The following PCDH11X variants were observed in gnomAD, a reference collection of about 807,000 sequenced individuals.
PCDH11X encodes protocadherin-11 X-linked.
PCDH11X carries 18 observed loss-of-function variants against 53.3 expected under a neutral mutation model. The observed-to-expected ratio is 0.34, with a 90% CI of 0.23 to 0.50. The LOEUF (loss-of-function observed/expected upper bound fraction) is 0.50, where lower values mean the gene tolerates loss of function less well. Ranked by LOEUF, PCDH11X falls within the 20% of genes least tolerant of loss-of-function variation. The pLI is 0.98. For synonymous variants in PCDH11X, 279 were observed against 393.3 expected, an observed-to-expected ratio of 0.71 and a Z score of 3.44; for missense variants, 570 against 1,032.4, an observed-to-expected ratio of 0.55 and a Z score of 6.14.
At chrX:92,239,420 C>A (rs1342624319) in intron 7 of PCDH11X, among the ~76,000 whole-genome samples, 3 of 111,487 alleles carry the variant, frequency 2.7e-5, no homozygotes, top group African/African-American at 6.5e-5. Context: ...AAATGGGAAT[C>A]ACACATGCTT....
intron 10 of PCDH11X, among the ~76,000 whole-genome samples, chrX:92,591,149 A>G (rs1478193939): frequency 9.0e-6 from 1 of 111,464 alleles, no homozygotes; most frequent in East Asian, 2.8e-4. Context: ...GGCATCTTGC[A>G]AAATTAAGAG....
chrX:92,057,986 C>A (rs2063474775), intron 6 of PCDH11X, among the ~76,000 whole-genome samples: 1 of 93,256 alleles, frequency 1.1e-5, no homozygotes, highest in Admixed American at 1.2e-4. Context: ...TTCTATGTTG[C>A]TCTTCTCACT....
chrX:92,288,161 G>A lies in PCDH11X; in HGVS notation c.3144+25018G>A, dbSNP rs753776965. Among the ~76,000 whole-genome samples, 6 of 111,089 alleles carry A rather than the reference G, an allele frequency of 5.4e-5. No homozygotes were observed. In the South Asian group the frequency reaches 2.3e-3, roughly 42 times the overall value. On this transcript the variant is annotated intron_variant, in intron 8 of 10. Coordinates refer to ENST00000682573, the MANE Select transcript of PCDH11X (RefSeq NM_032968.5). ...CACGATCCATGCTACTGCATTTAAT[G>A]TATCACTATGGAAATGCATTTTCTT...
chrX:92,576,007 T>C (rs1203282898), intron 10 of PCDH11X, among the ~76,000 whole-genome samples: 20 of 34,828 alleles, frequency 5.7e-4, no homozygotes, highest in Middle Eastern at 0.014. Context: ...TATATATATA[T>C]ATATACACAC....
chrX:92,180,603 C>A (rs1716375828), intron 6 of PCDH11X, among the ~76,000 whole-genome samples: 1 of 111,202 alleles, frequency 9.0e-6, no homozygotes, highest in African/African-American at 3.3e-5. Flanking sequence ...GTGTCCTCAG[C>A]CAAATCTCAT....
intron 6 of PCDH11X, among the ~76,000 whole-genome samples, chrX:92,118,203 G>A (rs1477727098): frequency 4.5e-5 from 5 of 110,748 alleles, no homozygotes; most frequent in Non-Finnish European, 9.4e-5. Context: ...GTTTTATGAA[G>A]CCATATGCCC....
intron 9 of PCDH11X, chrX:92,460,742 G>A: frequency 8.9e-7 from 1 of 1,118,008 alleles, no homozygotes. Context: ...CCAGGCCCAG[G>A]AGTAATGAGG....
At chrX:91,975,277 G>C (rs968123137) in intron 6 of PCDH11X, among the ~76,000 whole-genome samples, 6 of 112,019 alleles carry the variant, frequency 5.4e-5, no homozygotes, top group Admixed American at 9.5e-5. Flanking sequence ...GAAAAATAGA[G>C]ATGTCAAGAT....
chrX:91,994,738 G>T (rs748107257), intron 6 of PCDH11X, among the ~76,000 whole-genome samples: 1 of 111,157 alleles, frequency 9.0e-6, no homozygotes, highest in Non-Finnish European at 1.9e-5. Context: ...TTCCATAATG[G>T]CTGTACGAAT....
chrX:92,503,553 G>A (rs2073998845), intron 10 of PCDH11X, among the ~76,000 whole-genome samples: 1 of 93,278 alleles, frequency 1.1e-5, no homozygotes, highest in Admixed American at 1.1e-4. Context: ...CCATAAAAAG[G>A]AACAGGATCT....
At chrX:92,440,962 T>A (rs2072500591) in intron 9 of PCDH11X, among the ~76,000 whole-genome samples, 1 of 111,209 alleles carries the variant, frequency 9.0e-6, no homozygotes, top group Admixed American at 9.6e-5. Flanking sequence ...CACAATAAAG[T>A]CCAGGCTGAG....
chrX:91,851,743 T>G lies in PCDH11X; in HGVS notation c.540+15699T>G, dbSNP rs371393381. ...GGTCTGATCGTTAGACTAATTGGATTTACATAAACCCAAGTATTATATTTT... is the reference window on the plus strand; with the variant it reads ...GGTCTGATCGTTAGACTAATTGGATGTACATAAACCCAAGTATTATATTTT... On this transcript the variant is annotated intron_variant, in intron 5 of 10. Transcript: ENST00000682573. Among the ~76,000 whole-genome samples, 32 of 111,854 alleles carry G rather than the reference T, an allele frequency of 2.9e-4. No homozygotes were observed. In the South Asian group the frequency reaches 0.011, roughly 40 times the overall value.
intron 6 of PCDH11X, among the ~76,000 whole-genome samples, chrX:92,044,427 AG>A (rs2063254738): frequency 9.2e-6 from 1 of 108,119 alleles, no homozygotes; most frequent in Non-Finnish European, 1.9e-5. Flanking sequence ...ATTAACAAAA[AG>A]TTTACAAAGG....
intron 8 of PCDH11X, among the ~76,000 whole-genome samples, chrX:92,382,710 C>G (rs1326942420): frequency 4.5e-5 from 5 of 111,480 alleles, no homozygotes; most frequent in African/African-American, 1.6e-4. Context: ...TGCTATTTCT[C>G]TCTGCTACTG....
rs780223070 is a variant in PCDH11X at position 92,060,652 on chromosome X, C to A, written c.3034-140723C>A. ...GCTCCATTTATGTTGCTTCAAAGGACATGATCTCATTCTCTCTTATGGCTA... is the reference window on the plus strand; with the variant it reads ...GCTCCATTTATGTTGCTTCAAAGGAAATGATCTCATTCTCTCTTATGGCTA... On this transcript the variant is annotated intron_variant, in intron 6 of 10. Transcript: ENST00000682573. Among the ~76,000 whole-genome samples the A allele has an allele frequency of 3.7e-5, 4 of 109,420 alleles. No individual in the cohort carries two copies. The South Asian group carries it at 1.6e-3, about 43-fold the overall frequency.
chrX:91,988,208 A>T (rs1269283509), intron 6 of PCDH11X, among the ~76,000 whole-genome samples: 3 of 108,783 alleles, frequency 2.8e-5, no homozygotes, highest in Non-Finnish European at 5.7e-5. Context: ...CTTTTCTCCT[A>T]TTCTGTCTCT....
At chrX:92,298,940 A>T (rs1457730275) in intron 8 of PCDH11X, among the ~76,000 whole-genome samples, 2 of 111,727 alleles carry the variant, frequency 1.8e-5, no homozygotes, top group East Asian at 5.7e-4. Context: ...GACATAAGTG[A>T]TTAACTTCTT....
At chrX:92,590,883 G>A (rs763430799) in intron 10 of PCDH11X, among the ~76,000 whole-genome samples, 1 of 111,324 alleles carries the variant, frequency 9.0e-6, no homozygotes, top group South Asian at 3.8e-4. Context: ...GCAATTGTTA[G>A]TGGAAGGTCA....
At chrX:92,077,626 A>AAGGAAGGAAGGAAGGG (rs2063795232) in intron 6 of PCDH11X, among the ~76,000 whole-genome samples, 1 of 20,731 alleles carries the variant, frequency 4.8e-5, no homozygotes, top group Non-Finnish European at 9.2e-5. Flanking sequence ...GGAAGGGAGG[A>AAGGAAGGAAGGAAGGG]AGGAAGGAAG....
Sources: allele counts gnomAD v4.1 joint callset (sites outside exome capture counted in the v4.1 genomes callset), GRCh38; gene constraint gnomAD v4.1.1; transcripts MANE v1.5; gene names NCBI Gene and HGNC (gene_info 2026-07-23, HGNC 2026-07-21).